Variants in SCUBE2 observed in about 807,000 individuals in gnomAD.
SCUBE2 encodes signal peptide, CUB domain and EGF like domain containing 2.
A neutral mutation model predicts 125.9 loss-of-function variants in SCUBE2; 114 were observed. That is an observed-to-expected ratio of 0.91 (90% CI 0.78 to 1.06). SCUBE2 has a LOEUF of 1.06. Among genes scored for constraint, SCUBE2 ranks in the 50% least tolerant of loss-of-function variants. The probability of loss-of-function intolerance (pLI) is 0.00; values close to 1 mark genes in which losing one functional copy is unlikely to be tolerated. For missense variants in SCUBE2, 1,255 were observed against 1,301.8 expected (o/e 0.96, Z 0.55); for synonymous variants, 459 against 492.9 (o/e 0.93, Z 0.91).
chr11:9,069,682 G>A (rs1830142771), intron 4 of SCUBE2, among the ~76,000 whole-genome samples, 187 bp from the exon 5 acceptor site: 1 of 152,160 alleles, frequency 6.6e-6, no homozygotes, highest in African/African-American at 2.4e-5. Flanking sequence ...AATTTATTCT[G>A]TCACCCAAGA....
Position 9,030,003 on chromosome 11 carries a change from C to T in SCUBE2, c.2384G>A (p.Arg795Gln), listed in dbSNP as rs778061686. The T allele has an allele frequency of 9.3e-6, 15 of 1,613,936 alleles. No individual in the cohort carries two copies. Among genetic ancestry groups the T allele is most frequent in the African/African-American group, 5.3e-5 (4 of 74,852 alleles). The change falls in exon 19 of 23, where the codon CGA becomes CAA. Residue 795 changes from arginine to glutamine, a missense_variant. This residue lies in a region of SCUBE2 where 515 missense variants were observed against 515.7 expected (regional missense o/e 1.00). Coordinates refer to ENST00000649792, the MANE Select transcript of SCUBE2 (RefSeq NM_001367977.2). Reference protein sequence around the residue: ...PGHFYNTTTHRCIRCPVGTYQ... With the variant: ...PGHFYNTTTHQCIRCPVGTYQ... ...TGTTCCCACTGGGCAACGAATACAT[C>T]GGTGAGTGGTGGTGTTGTAGAAATG...
chr11:9,069,555 A>G, intron 4 of SCUBE2, 60 bp from the exon 5 acceptor site: 2 of 1,606,470 alleles, frequency 1.2e-6, no homozygotes, highest in South Asian at 1.1e-5. Flanking sequence ...GAGCCCTGGG[A>G]GAGCGGCAAA....
chr11:9,074,951 C>G (rs887423431), intron 3 of SCUBE2, among the ~76,000 whole-genome samples: 6 of 152,160 alleles, frequency 3.9e-5, no homozygotes, highest in African/African-American at 1.2e-4. Context: ...TGTGGCGGCT[C>G]AAGCCTGTAA....
At position 9,021,862 on chromosome 11, in the gene SCUBE2, A is replaced by T. The variant is rs907453241; in HGVS notation, c.2934+14T>A. ...TGTGGATAACTGCCATGTCCACCTG[A>T]GCCAGGCACTCACCTTAAGTATTTC... On this transcript the variant is annotated intron_variant, in intron 22 of 22. Transcript: ENST00000649792. 3 of 1,600,440 alleles carry T rather than the reference A, an allele frequency of 1.9e-6. No individual in the cohort carries two copies. Among genetic ancestry groups the T allele is most frequent in the Non-Finnish European group, 2.6e-6 (3 of 1,168,034 alleles).
At chr11:9,073,156 T>G (rs1461420068) in intron 4 of SCUBE2, among the ~76,000 whole-genome samples, 1 of 152,230 alleles carries the variant, frequency 6.6e-6, no homozygotes, top group African/African-American at 2.4e-5. Context: ...CGGATCACTC[T>G]GTGCCACTGG....
intron 8 of SCUBE2, chr11:9,059,702 G>A (rs1333143411): frequency 4.4e-5 from 19 of 429,314 alleles, no homozygotes; most frequent in Non-Finnish European, 7.6e-5. Context: ...GAATGATGAC[G>A]TCCTGTTATA....
At chr11:9,028,239 A>G (rs1176144971) in intron 19 of SCUBE2, among the ~76,000 whole-genome samples, 2 of 151,782 alleles carry the variant, frequency 1.3e-5, no homozygotes, top group African/African-American at 4.8e-5. Flanking sequence ...GACAAGGTCT[A>G]TGCTGCCCAG....
At chr11:9,032,961 C>T (rs931871043) in intron 17 of SCUBE2, among the ~76,000 whole-genome samples, 16 of 152,046 alleles carry the variant, frequency 1.1e-4, no homozygotes, top group Admixed American at 7.2e-4. Flanking sequence ...CAAGGACAGC[C>T]GTGGGAGCAG....
intron 17 of SCUBE2, 150 bp from the exon 18 acceptor site, chr11:9,031,075 T>C (rs143256601): frequency 9.0e-6 from 6 of 665,456 alleles, no homozygotes; most frequent in Non-Finnish European, 1.5e-5. Context: ...AATGCTGTGG[T>C]GCTTCTGACC....
intron 2 of SCUBE2, among the ~76,000 whole-genome samples, chr11:9,080,743 T>G (rs901343710): frequency 1.3e-5 from 2 of 152,170 alleles, no homozygotes; most frequent in African/African-American, 4.8e-5. Flanking sequence ...ATCACAATTT[T>G]TAAAATTAAT....
intron 17 of SCUBE2, among the ~76,000 whole-genome samples, chr11:9,032,868 T>A (rs1378270677): frequency 2.0e-5 from 3 of 152,164 alleles, no homozygotes; most frequent in Non-Finnish European, 4.4e-5. Context: ...AATATGAGGA[T>A]TTGATTTTTA....
intron 13 of SCUBE2, among the ~76,000 whole-genome samples, chr11:9,051,824 G>A (rs951424977): frequency 6.6e-6 from 1 of 152,124 alleles, no homozygotes; most frequent in African/African-American, 2.4e-5. Context: ...CTATTTGCTT[G>A]CCCCACCTTG....
chr11:9,041,452 C>A (rs1279018014), intron 16 of SCUBE2, among the ~76,000 whole-genome samples: 2 of 152,120 alleles, frequency 1.3e-5, no homozygotes, highest in African/African-American at 4.8e-5. Context: ...GGGGAGGAAC[C>A]GGAACCAGCA....
At chr11:9,032,471 C>A (rs1398730226) in intron 17 of SCUBE2, among the ~76,000 whole-genome samples, 1 of 152,118 alleles carries the variant, frequency 6.6e-6, no homozygotes, top group African/African-American at 2.4e-5. Flanking sequence ...CAGTGGCTCA[C>A]GCCTGTAATA....
At chr11:9,083,528 C>T (rs1480531181) in intron 2 of SCUBE2, among the ~76,000 whole-genome samples, 1 of 151,224 alleles carries the variant, frequency 6.6e-6, no homozygotes, top group East Asian at 1.9e-4. Flanking sequence ...GAGAAAGTTA[C>T]GAATAAGCAA....
intron 2 of SCUBE2, among the ~76,000 whole-genome samples, chr11:9,083,618 G>A (rs1293845305): frequency 2.0e-5 from 3 of 150,604 alleles, no homozygotes; most frequent in Non-Finnish European, 4.4e-5. Context: ...GCAGTGGCAC[G>A]ATCTTGGCTC....
At chr11:9,081,150 T>A (rs1861608621) in intron 2 of SCUBE2, among the ~76,000 whole-genome samples, 1 of 152,232 alleles carries the variant, frequency 6.6e-6, no homozygotes, top group Non-Finnish European at 1.5e-5. Context: ...AGGATGTTGA[T>A]GGGTATGTAA....
chr11:9,059,599 C>T (rs1859459834), intron 8 of SCUBE2, 174 bp from the exon 9 acceptor site: 1 of 829,334 alleles, frequency 1.2e-6, no homozygotes, highest in Admixed American at 3.3e-5. Context: ...TCTTATCTGG[C>T]TTAACCAGTT....
chr11:9,023,418 G>A (rs1855472593), intron 21 of SCUBE2, among the ~76,000 whole-genome samples: 3 of 151,988 alleles, frequency 2.0e-5, no homozygotes, highest in South Asian at 4.2e-4. Context: ...TTTTCATCTT[G>A]AATTCCTCTG....
Sources: gnomAD v4.1 joint callset for allele counts (sites outside exome capture counted in the v4.1 genomes callset) on GRCh38, gnomAD v4.1.1 for gene constraint, gnomAD v4.1.1 regional missense constraint, MANE v1.5 for transcripts, NCBI Gene and HGNC (gene_info 2026-07-23, HGNC 2026-07-21) for gene names.